DGKH: variants seen among roughly 807,000 people sequenced by gnomAD.
DGKH encodes diacylglycerol kinase eta.
In DGKH, 90 loss-of-function variants were observed where a neutral mutation model predicts 159.3. The ratio of observed to expected loss-of-function variants is 0.57; its 90% CI spans 0.48 to 0.67. DGKH has a LOEUF of 0.67. Among genes scored for constraint, DGKH ranks in the 30% least tolerant of loss-of-function variants. The pLI is 0.00. For synonymous variants in DGKH, 536 were observed against 553.8 expected, an observed-to-expected ratio of 0.97 and a Z score of 0.45; for missense variants, 1,181 against 1,506.1, an observed-to-expected ratio of 0.78 and a Z score of 3.57.
At chr13:42,158,590 G>A (rs552240448) in intron 5 of DGKH, among the ~76,000 whole-genome samples, 1 of 152,056 alleles carries the variant, frequency 6.6e-6, no homozygotes, top group South Asian at 2.1e-4. Context: ...ATATGGCTGG[G>A]GAGATTTAGT....
At chr13:42,131,740 G>A (rs1237637410) in intron 3 of DGKH, among the ~76,000 whole-genome samples, 1 of 152,110 alleles carries the variant, frequency 6.6e-6, no homozygotes, top group East Asian at 1.9e-4. Flanking sequence ...ATTGATCCAG[G>A]GTTGGTGGTT....
chr13:42,161,978 A>G (rs115192053), intron 7 of DGKH, among the ~76,000 whole-genome samples: 86 of 152,304 alleles, frequency 5.6e-4, no homozygotes, highest in African/African-American at 2.0e-3. Context: ...ATTCACCCCT[A>G]ACTTTTAAAC....
chr13:42,041,372 C>T (rs982656194), intron 1 of DGKH, among the ~76,000 whole-genome samples: 1 of 152,072 alleles, frequency 6.6e-6, no homozygotes, highest in Non-Finnish European at 1.5e-5. Context: ...AGAGGCTGAG[C>T]GCGGCGCGGA....
intron 1 of DGKH, among the ~76,000 whole-genome samples, chr13:42,093,019 A>G (rs1191207400): frequency 1.3e-5 from 2 of 152,046 alleles, no homozygotes; most frequent in Admixed American, 1.3e-4. Context: ...CGAGGTGGGC[A>G]GATTGCTTGA....
chr13:42,136,914 G>A (rs1409158674), intron 3 of DGKH, among the ~76,000 whole-genome samples: 1 of 152,082 alleles, frequency 6.6e-6, no homozygotes, highest in Non-Finnish European at 1.5e-5. Flanking sequence ...GGGTTTAAAA[G>A]GTCTACATAA....
At chr13:42,189,381 A>G in intron 15 of DGKH, 72 bp downstream of exon 15, 1 of 1,589,106 alleles carries the variant, frequency 6.3e-7, no homozygotes, top group South Asian at 1.1e-5. Context: ...GAGTTTCCAT[A>G]GTGGTCAGAT....
At chr13:42,227,854 T>C (rs1958173716) in intron 29 of DGKH, among the ~76,000 whole-genome samples, 1 of 152,224 alleles carries the variant, frequency 6.6e-6, no homozygotes, top group African/African-American at 2.4e-5. Context: ...ACCAGTTTGA[T>C]CTATTTCATT....
At position 42,241,923 on chromosome 13, in the gene DGKH, T is replaced by C. The variant is rs1389794604; in HGVS notation, c.*12735T>C. The C allele has an allele frequency of 6.6e-6, 1 of 152,198 alleles. No individual in the cohort carries two copies. Among genetic ancestry groups the C allele is most frequent in the East Asian group, 1.9e-4 (1 of 5,200 alleles). 9.4% of individuals were successfully genotyped at this position (152,198 alleles called of 1,614,324 possible). ...CATGAGAAGGAAAAAACTGTATCTT[T>C]ATTGTCAGTAAGTGTGGAAAAAAAC... On this transcript the variant is annotated 3_prime_UTR_variant, in exon 30 of 30. Coordinates refer to ENST00000337343, the MANE Select transcript of DGKH (RefSeq NM_178009.5).
rs1443817103 is a variant in DGKH at position 42,160,070 on chromosome 13, C to T, written c.789C>T (p.Val263=). The T allele has an allele frequency of 2.5e-6, 4 of 1,614,216 alleles. No homozygotes were observed. In the East Asian group the frequency reaches 8.9e-5, roughly 36 times the overall value. The change falls in exon 7 of 30, where the codon GTC becomes GTT. Residue 263 remains valine, a synonymous_variant. Transcript: ENST00000337343. The part of the protein sequence containing the change: ...GNLPVSAKCA[V]CDKTCGSVLR... ...TGCCTGTAAGTGCCAAGTGTGCTGTCTGCGACAAAACATGTGGCAGTGTTC... is the reference window on the plus strand; with the variant it reads ...TGCCTGTAAGTGCCAAGTGTGCTGTTTGCGACAAAACATGTGGCAGTGTTC...
intron 3 of DGKH, chr13:42,153,841 T>C (rs1955976641): frequency 6.6e-6 from 1 of 152,226 alleles, no homozygotes; most frequent in African/African-American, 2.4e-5. Flanking sequence ...CAATTTCATA[T>C]GCAATTAACA....
rs140288695 is a variant in DGKH, at chr13:42,133,566, C to T, written c.384+3934C>T. On this transcript the variant is annotated intron_variant, in intron 3 of 29. Coordinates refer to ENST00000337343, the MANE Select transcript of DGKH (RefSeq NM_178009.5). The stretch of plus-strand genomic sequence containing the variant: ...CAAAAATTAGCCAGGTGTAGTGGTG[C>T]GTGCCTGTAGTGCCAGCTATTCTGG... Among the ~76,000 whole-genome samples the T allele has an allele frequency of 3.3e-5, 5 of 152,038 alleles. No individual in the cohort carries two copies. In the East Asian group the frequency reaches 7.8e-4, roughly 24 times the overall value.
At chr13:42,052,694 G>A (rs1297268514) in intron 1 of DGKH, among the ~76,000 whole-genome samples, 3 of 152,244 alleles carry the variant, frequency 2.0e-5, no homozygotes, top group Non-Finnish European at 2.9e-5. Context: ...TGTGAAAGAA[G>A]CTTTGTGTGT....
In DGKH at chr13:42,160,271, T is replaced by G. The variant is rs138672726; in HGVS notation, c.855+135T>G. 384 of 1,220,394 alleles carry G rather than the reference T, an allele frequency of 3.1e-4. 2 individuals carry two copies. In the African/African-American group the frequency reaches 5.0e-3, roughly 16 times the overall value. 75.6% of individuals were successfully genotyped at this position (1,220,394 alleles called of 1,614,324 possible). On this transcript the variant is annotated intron_variant, in intron 7 of 29. Coordinates refer to ENST00000337343, the MANE Select transcript of DGKH (RefSeq NM_178009.5). ...TAGCATACGCATCTCATGATGACAT[T>G]CTTCTTTCCTTACAGTATAGTCCTC...
intron 11 of DGKH, among the ~76,000 whole-genome samples, chr13:42,172,992 G>C (rs1956502273): frequency 7.1e-6 from 1 of 139,922 alleles, no homozygotes; most frequent in Non-Finnish European, 1.5e-5. Flanking sequence ...TTTTTTTTGA[G>C]ACAGGGTCTG....
chr13:42,094,617 G>A (rs1029504863), intron 1 of DGKH, among the ~76,000 whole-genome samples: 13 of 152,148 alleles, frequency 8.5e-5, no homozygotes, highest in African/African-American at 3.1e-4. Context: ...TCCTCAGTTG[G>A]ATGGAGTTAA....
Position 42,194,923 on chromosome 13 carries a change from T to G in DGKH, c.2074T>G (p.Tyr692Asp), listed in dbSNP as rs1160732586. The change falls in exon 17 of 30, where the codon TAT (tyrosine) becomes GAT (aspartate). Residue 692 changes from tyrosine (Y) to aspartate (D), a missense_variant. Physicochemically the swap from Tyr to Asp is radical, Grantham distance 160. Transcript: ENST00000337343. ...APRSPDARASYGHSQTDSVPG... is the reference protein window; with the variant it reads ...APRSPDARASDGHSQTDSVPG... Reference sequence around the variant, plus strand: ...TCGGTCTCCAGATGCCCGGGCAAGTTATGGCCATTCCCAAACTGATTCTGT... The same window carrying G: ...TCGGTCTCCAGATGCCCGGGCAAGTGATGGCCATTCCCAAACTGATTCTGT... 1 of 1,613,892 alleles carries G rather than the reference T, an allele frequency of 6.2e-7. No homozygotes were observed. The highest frequency in any genetic ancestry group is 8.5e-7 in the Non-Finnish European group (1 of 1,179,942).
chr13:42,194,921 G>C lies in DGKH; in HGVS notation c.2072G>C (p.Ser691Thr). 6.2e-7 allele frequency: 1 copy of C among 1,614,020 alleles called. No individual in the cohort carries two copies. Among genetic ancestry groups the C allele is most frequent in the Non-Finnish European group, 8.5e-7 (1 of 1,179,936 alleles). ...TAPRSPDARA[S>T]YGHSQTDSVP... ...CCTCGGTCTCCAGATGCCCGGGCAA[G>C]TTATGGCCATTCCCAAACTGATTCT... Residue 691 changes from serine to threonine, a missense_variant, in exon 17 of 30, where the codon AGT (serine) becomes ACT (threonine). Ser to Thr is a moderately conservative substitution (Grantham distance 58). Around this residue, in one of 5 missense-constraint regions of DGKH, gnomAD observed 257 missense variants for 281.5 expected, o/e 0.91. Transcript: ENST00000337343.
At chr13:42,053,620 A>T (rs536617766) in intron 1 of DGKH, among the ~76,000 whole-genome samples, 1 of 144,666 alleles carries the variant, frequency 6.9e-6, no homozygotes, top group African/African-American at 2.6e-5. Context: ...CTATATATGT[A>T]TATATATATA....
At chr13:42,093,336 G>T (rs1172002936) in intron 1 of DGKH, among the ~76,000 whole-genome samples, 1 of 151,948 alleles carries the variant, frequency 6.6e-6, no homozygotes, top group Non-Finnish European at 1.5e-5. Context: ...CACTAGGATG[G>T]CTGCTCTTAA....
Sources: gnomAD v4.1 joint callset for allele counts (sites outside exome capture counted in the v4.1 genomes callset) on GRCh38, gnomAD v4.1.1 for gene constraint, gnomAD v4.1.1 regional missense constraint, MANE v1.5 for transcripts, NCBI Gene and HGNC (gene_info 2026-07-23, HGNC 2026-07-21) for gene names.